The following DCC variants were observed in gnomAD, a reference collection of about 807,000 sequenced individuals.
DCC encodes DCC netrin 1 receptor, also known as netrin receptor DCC.
A neutral mutation model predicts 172.5 loss-of-function variants in DCC; 58 were observed. The observed-to-expected ratio is 0.34, with a 90% CI of 0.27 to 0.42. The LOEUF (loss-of-function observed/expected upper bound fraction) is 0.42. Ranked by LOEUF, DCC falls within the 10% of genes least tolerant of loss-of-function variation. DCC has a pLI of 1.00. For synonymous variants in DCC, 709 were observed against 644.5 expected (o/e 1.10, Z -1.52); for missense variants, 1,740 against 1,791.0 (o/e 0.97, Z 0.51).
At chr18:53,396,976 A>G (rs1908990069) in intron 17 of DCC, among the ~76,000 whole-genome samples, 1 of 152,082 alleles carries the variant, frequency 6.6e-6, no homozygotes, top group African/African-American at 2.4e-5. Context: ...AGTGATATTT[A>G]TAAGAGGCAT....
chr18:53,049,685 T>A (rs562533759), intron 5 of DCC, among the ~76,000 whole-genome samples: 1 of 152,202 alleles, frequency 6.6e-6, no homozygotes, highest in South Asian at 2.1e-4. Flanking sequence ...TCTTTTTTGG[T>A]TCCATGTAAA....
chr18:52,399,360 T>C (rs1415383693), intron 1 of DCC, among the ~76,000 whole-genome samples: 1 of 151,930 alleles, frequency 6.6e-6, no homozygotes, highest in Admixed American at 6.6e-5. Flanking sequence ...TTCATCTTCG[T>C]TCTACTGCCA....
intron 1 of DCC, among the ~76,000 whole-genome samples, chr18:52,396,118 T>G (rs189794682): frequency 4.9e-4 from 75 of 152,138 alleles, no homozygotes; most frequent in African/African-American, 1.6e-3. Flanking sequence ...GTTGTATGAT[T>G]CCAGGCAAAC....
chr18:53,047,475 ATTGAGGAATCTTTTTTT>A (rs1568268535), intron 5 of DCC, among the ~76,000 whole-genome samples: 3,207 of 63,050 alleles, frequency 0.051, 185 homozygotes, highest in Non-Finnish European at 0.063. Flanking sequence ...CATTTTTGCT[ATTGAGGAATCTTTTTTT>A]TATTAAACTG....
chr18:52,571,250 G>C (rs1390673997), intron 1 of DCC, among the ~76,000 whole-genome samples: 4 of 152,006 alleles, frequency 2.6e-5, no homozygotes, highest in African/African-American at 9.7e-5. Context: ...GGAGGAATCT[G>C]ACAGAGAAAG....
chr18:53,427,811 TATATA>T (rs1439148161), intron 21 of DCC, among the ~76,000 whole-genome samples: 3 of 125,884 alleles, frequency 2.4e-5, no homozygotes, highest in Non-Finnish European at 4.9e-5. Context: ...AACAGAAATA[TATATA>T]ATATATTAAT....
chr18:53,063,356 T>A lies in DCC; in HGVS notation c.1037T>A (p.Met346Lys). 1 of 1,613,392 alleles carries A rather than the reference T, an allele frequency of 6.2e-7. No homozygotes were observed. Among genetic ancestry groups the A allele is most frequent in the South Asian group, 1.1e-5 (1 of 91,066 alleles). Residue 346 changes from methionine to lysine, a missense_variant, in exon 6 of 29, where the codon ATG becomes AAG. Physicochemically the swap from Met to Lys is moderately conservative, Grantham distance 95. Coordinates refer to ENST00000442544, the MANE Select transcript of DCC (RefSeq NM_005215.4). ...TCCAACCTGTATGCCTATGAAAGCA[T>A]GGATATTGAGTTTGAATGTACAGTC... ...HPSNLYAYES[M>K]DIEFECTVSG...
Position 52,912,222 on chromosome 18 carries a change from A to G in DCC, c.697+5894A>G, listed in dbSNP as rs568000662. ...CTTTATTTATCTTATAAAATGTCGC[A>G]AGTAATACCACATATTTCATAGGGT... On this transcript the variant is annotated intron_variant, in intron 3 of 28. Coordinates refer to ENST00000442544, the MANE Select transcript of DCC (RefSeq NM_005215.4). 4.6e-5 allele frequency among the ~76,000 whole-genome samples: 7 copies of G among 152,216 alleles called. 1 individual carries two copies. Among genetic ancestry groups the G allele is most frequent in the Admixed American group, 1.3e-4 (2 of 15,260 alleles).
chr18:53,517,905 G>A (rs1050053948), intron 27 of DCC, among the ~76,000 whole-genome samples: 76 of 152,244 alleles, frequency 5.0e-4, no homozygotes, highest in African/African-American at 1.7e-3. Flanking sequence ...AGGCTATTGT[G>A]TCTGAGTAAA....
chr18:52,675,646 A>C (rs1366212480), intron 1 of DCC, among the ~76,000 whole-genome samples: 3 of 152,148 alleles, frequency 2.0e-5, no homozygotes, highest in Non-Finnish European at 4.4e-5. Context: ...TATTTGACAG[A>C]GTTTGACTCT....
intron 18 of DCC, among the ~76,000 whole-genome samples, chr18:53,400,065 TTG>T (rs1277194016): frequency 6.6e-6 from 1 of 152,090 alleles, no homozygotes; most frequent in East Asian, 1.9e-4. Context: ...TTTGAGCGAA[TTG>T]TGGTCCAATA....
chr18:53,401,938 G>A (rs941414670), intron 18 of DCC, among the ~76,000 whole-genome samples: 5 of 152,122 alleles, frequency 3.3e-5, no homozygotes, highest in East Asian at 3.8e-4. Flanking sequence ...GCAGGACTTC[G>A]TGCCATCTTA....
intron 1 of DCC, among the ~76,000 whole-genome samples, chr18:52,454,984 TGC>T (rs1988414880): frequency 6.6e-6 from 1 of 152,202 alleles, no homozygotes; most frequent in Non-Finnish European, 1.5e-5. Context: ...TGTTTCCAAT[TGC>T]GTTTCATCAT....
intron 25 of DCC, among the ~76,000 whole-genome samples, chr18:53,483,526 G>T (rs1599202604): frequency 6.6e-6 from 1 of 151,818 alleles, no homozygotes; most frequent in South Asian, 2.1e-4. Context: ...GAAGTGCCTT[G>T]TTAACAGATA....
intron 5 of DCC, among the ~76,000 whole-genome samples, chr18:53,021,970 G>A (rs1486427758): frequency 6.6e-6 from 1 of 152,146 alleles, no homozygotes; most frequent in Admixed American, 6.5e-5. Context: ...GCAAAATTGA[G>A]TTTGATAGTT....
At chr18:52,659,970 T>C (rs1377592790) in intron 1 of DCC, among the ~76,000 whole-genome samples, 2 of 152,150 alleles carry the variant, frequency 1.3e-5, no homozygotes, top group Admixed American at 1.3e-4. Context: ...AATGATTAAG[T>C]GATTTACCTG....
At chr18:52,769,190 T>C (rs975109118) in intron 2 of DCC, among the ~76,000 whole-genome samples, 6 of 152,218 alleles carry the variant, frequency 3.9e-5, no homozygotes, top group Non-Finnish European at 8.8e-5. Context: ...ATTTTGCATT[T>C]CCACTAGCAA....
chr18:52,405,853 T>C (rs949807459), intron 1 of DCC, among the ~76,000 whole-genome samples: 1 of 151,278 alleles, frequency 6.6e-6, no homozygotes, highest in African/African-American at 2.4e-5. Context: ...AAAAAGAGCC[T>C]GCATCGCGAA....
At chr18:53,158,512 G>C (rs2054784167) in intron 8 of DCC, among the ~76,000 whole-genome samples, 1 of 152,070 alleles carries the variant, frequency 6.6e-6, no homozygotes, top group African/African-American at 2.4e-5. Flanking sequence ...ATTCAAAAGG[G>C]GACATATACA....
Sources: allele counts gnomAD v4.1 joint callset (sites outside exome capture counted in the v4.1 genomes callset), GRCh38; gene constraint gnomAD v4.1.1; transcripts MANE v1.5; gene names NCBI Gene and HGNC (gene_info 2026-07-23, HGNC 2026-07-21).